Variants in STPG2 observed in about 807,000 individuals in gnomAD.
The protein encoded by STPG2 is sperm-tail PG-rich repeat-containing protein 2.
Under a neutral mutation model 54.2 loss-of-function variants are expected in STPG2, and 56 were observed. That is an observed-to-expected ratio of 1.03 (90% confidence interval 0.83 to 1.29). The LOEUF (loss-of-function observed/expected upper bound fraction) is 1.29, where lower values mean the gene tolerates loss of function less well. Among genes scored for constraint, STPG2 ranks in the 50% most tolerant of loss-of-function variants. STPG2 has a pLI of 0.00. For missense variants in STPG2, 596 were observed against 544.9 expected (o/e 1.09, Z -0.93); for synonymous variants, 200 against 181.8 (o/e 1.10, Z -0.81).
intron 10 of STPG2, among the ~76,000 whole-genome samples, chr4:97,579,146 T>C (rs1732799128): frequency 6.6e-6 from 1 of 152,098 alleles, no homozygotes; most frequent in African/African-American, 2.4e-5. Flanking sequence ...GAATTTTTAG[T>C]AAGTTGATAA....
At chr4:98,061,023 C>T (rs144870694) in intron 5 of STPG2, among the ~76,000 whole-genome samples, 2,409 of 152,180 alleles carry the variant, frequency 0.016, 65 homozygotes, top group African/African-American at 0.055. Context: ...GATTTCATGA[C>T]GAAGATGCCA....
At chr4:97,861,694 G>A (rs541483398) in intron 8 of STPG2, among the ~76,000 whole-genome samples, 2 of 152,246 alleles carry the variant, frequency 1.3e-5, no homozygotes, top group South Asian at 4.1e-4. Context: ...TACCCACAAA[G>A]AGAAGCCCAT....
intron 4 of STPG2, among the ~76,000 whole-genome samples, chr4:97,474,268 A>G (rs1730017652): frequency 6.9e-6 from 1 of 144,034 alleles, no homozygotes; most frequent in East Asian, 2.0e-4. Context: ...GTATTAATGG[A>G]AAAAAAAAAG....
intron 8 of STPG2, among the ~76,000 whole-genome samples, chr4:97,863,515 A>G (rs754976511): frequency 6.6e-6 from 1 of 152,204 alleles, no homozygotes. Flanking sequence ...ATTCTACCAG[A>G]GGTACAAGGA....
At chr4:97,556,775 C>T (rs1470318648), downstream of STPG2, among the ~76,000 whole-genome samples, 1 of 152,052 alleles carries the variant, frequency 6.6e-6, no homozygotes, top group Non-Finnish European at 1.5e-5. Flanking sequence ...AAAGTCTCTC[C>T]TTGTCTTTAT....
At chr4:97,806,984 GA>G (rs1317733401) in intron 9 of STPG2, among the ~76,000 whole-genome samples, 2 of 152,134 alleles carry the variant, frequency 1.3e-5, no homozygotes, top group East Asian at 3.9e-4. Context: ...CATGGCAGTA[GA>G]ATAAACTGTT....
intron 9 of STPG2, among the ~76,000 whole-genome samples, chr4:97,813,894 TAAG>T (rs999360400): frequency 3.3e-5 from 5 of 151,974 alleles, no homozygotes; most frequent in African/African-American, 1.2e-4. Flanking sequence ...AAAATTCAGC[TAAG>T]GTTAGGTCAT....
intron 9 of STPG2, among the ~76,000 whole-genome samples, chr4:97,805,294 T>C (rs1369644884): frequency 6.6e-6 from 1 of 152,126 alleles, no homozygotes; most frequent in Non-Finnish European, 1.5e-5. Flanking sequence ...GCAACCTCCC[T>C]GCCTTCCAGG....
Position 97,590,960 on chromosome 4 carries a change from C to T in STPG2, c.1321-31843G>A, listed in dbSNP as rs78087144. Among the ~76,000 whole-genome samples the T allele has an allele frequency of 3.7e-3, 556 of 152,174 alleles. 1 individual carries two copies. The highest frequency in any genetic ancestry group is 0.013 in the African/African-American group (528 of 41,530). On this transcript the variant is annotated intron_variant, in intron 10 of 10. Transcript: ENST00000295268. ...TTGCTATTTTCTGATAAGTACAAGA[C>T]ATCTCATATCAAAACCAAGAAGTGA...
At chr4:98,128,336 T>C in intron 3 of STPG2, 92 bp downstream of exon 3, 2 of 1,205,610 alleles carry the variant, frequency 1.7e-6, no homozygotes, top group Non-Finnish European at 2.2e-6. Flanking sequence ...GTAATCATTT[T>C]TTTCTTGGAG....
chr4:97,556,987 C>T (rs1732092548), downstream of STPG2, among the ~76,000 whole-genome samples: 1 of 152,158 alleles, frequency 6.6e-6, no homozygotes, highest in Non-Finnish European at 1.5e-5. Context: ...TCGAGACCAT[C>T]CTGGTCAACA....
At chr4:97,585,494 C>T (rs1732974310) in intron 10 of STPG2, among the ~76,000 whole-genome samples, 1 of 151,952 alleles carries the variant, frequency 6.6e-6, no homozygotes. Context: ...ACACTCCCCT[C>T]CCTTGCCCAT....
intron 10 of STPG2, among the ~76,000 whole-genome samples, chr4:97,590,271 G>T (rs1733103661): frequency 6.6e-6 from 1 of 152,026 alleles, no homozygotes; most frequent in South Asian, 2.1e-4. Flanking sequence ...GCTGAAGAAA[G>T]AAGCTGACAA....
chr4:97,563,379 CA>C (rs1306368073), intron 10 of STPG2, among the ~76,000 whole-genome samples: 11 of 152,054 alleles, frequency 7.2e-5, no homozygotes, highest in Non-Finnish European at 2.9e-5. Context: ...TTGATCCTTT[CA>C]AAAAACCAGC....
chr4:97,630,705 G>A (rs1721244697), intron 10 of STPG2, among the ~76,000 whole-genome samples: 1 of 151,688 alleles, frequency 6.6e-6, no homozygotes, highest in Non-Finnish European at 1.5e-5. Flanking sequence ...ATTAAATTAA[G>A]TGTATTGTAA....
intron 9 of STPG2, among the ~76,000 whole-genome samples, chr4:97,831,493 G>A (rs1311719442): frequency 6.6e-6 from 1 of 152,018 alleles, no homozygotes; most frequent in Non-Finnish European, 1.5e-5. Context: ...AAATTCAAGA[G>A]CTAGCAGAAG....
intron 5 of STPG2, among the ~76,000 whole-genome samples, chr4:98,011,153 C>T (rs1286958669): frequency 6.6e-6 from 1 of 152,076 alleles, no homozygotes; most frequent in Non-Finnish European, 1.5e-5. Context: ...TTTTTCCCCT[C>T]CCTATGTCCA....
At chr4:97,902,938 T>C (rs761070086) in intron 8 of STPG2, among the ~76,000 whole-genome samples, 7 of 152,152 alleles carry the variant, frequency 4.6e-5, no homozygotes, top group Non-Finnish European at 1.0e-4. Flanking sequence ...ATGTGATATA[T>C]ATATTTATAT....
At chr4:97,897,793 T>C (rs1208410124) in intron 8 of STPG2, among the ~76,000 whole-genome samples, 4 of 152,218 alleles carry the variant, frequency 2.6e-5, no homozygotes, top group African/African-American at 7.2e-5. Flanking sequence ...TCCTTATAGA[T>C]GCTGGATATT....
Sources: gnomAD v4.1 joint callset for allele counts (sites outside exome capture counted in the v4.1 genomes callset) on GRCh38, gnomAD v4.1.1 for gene constraint, MANE v1.5 for transcripts, NCBI Gene and HGNC (gene_info 2026-07-23, HGNC 2026-07-21) for gene names.